The following FTO variants were observed in gnomAD, a reference collection of about 807,000 sequenced individuals.
FTO encodes the protein alpha-ketoglutarate-dependent dioxygenase FTO.
In FTO, 47 loss-of-function variants were observed where a neutral mutation model predicts 63.9. The observed-to-expected ratio is 0.74, with a 90% CI of 0.58 to 0.94. FTO has a LOEUF of 0.94. Among genes scored for constraint, FTO ranks in the 40% least tolerant of loss-of-function variants. The pLI, the probability that FTO is intolerant of heterozygous loss-of-function variation, is 0.00. For synonymous variants in FTO, 207 were observed against 224.4 expected (o/e 0.92, Z 0.69); for missense variants, 562 against 618.1 (o/e 0.91, Z 0.96).
chr16:53,820,680 C>T lies in FTO; in HGVS notation c.124-5184C>T, dbSNP rs191253293. On this transcript the variant is annotated intron_variant, in intron 2 of 8. Transcript: ENST00000471389. ...AGTGTAATATTCCCCTTCCTGTGTCCATGTGATCTCATTGTTCAATTCCCA... is the reference window on the plus strand; with the variant it reads ...AGTGTAATATTCCCCTTCCTGTGTCTATGTGATCTCATTGTTCAATTCCCA... Among the ~76,000 whole-genome samples, 6 of 150,896 alleles carry T rather than the reference C, an allele frequency of 4.0e-5. No individual in the cohort carries two copies. The East Asian group carries it at 9.7e-4, about 24-fold the overall frequency.
chr16:53,885,421 A>G (rs2080972954), intron 6 of FTO, among the ~76,000 whole-genome samples: 1 of 151,974 alleles, frequency 6.6e-6, no homozygotes, highest in Non-Finnish European at 1.5e-5. Flanking sequence ...CTTGATGTCC[A>G]GAGATTGTAT....
intron 1 of FTO, among the ~76,000 whole-genome samples, chr16:53,754,846 T>C (rs2076881729): frequency 6.6e-6 from 1 of 152,262 alleles, no homozygotes; most frequent in Non-Finnish European, 1.5e-5. Flanking sequence ...TTATTTCTGA[T>C]AGTCTTTACA....
chr16:54,009,072 C>A (rs2084280089), intron 8 of FTO, among the ~76,000 whole-genome samples: 1 of 151,838 alleles, frequency 6.6e-6, no homozygotes, highest in African/African-American at 2.4e-5. Flanking sequence ...TGGTAACTAA[C>A]AATGGGATTG....
chr16:53,968,899 C>G (rs1018292122), intron 8 of FTO, among the ~76,000 whole-genome samples: 1 of 152,170 alleles, frequency 6.6e-6, no homozygotes, highest in Non-Finnish European at 1.5e-5. Context: ...TTAGTCAGTA[C>G]AGCACATTCA....
chr16:53,726,831 G>A (rs1375695885), intron 1 of FTO, among the ~76,000 whole-genome samples: 1 of 152,198 alleles, frequency 6.6e-6, no homozygotes, highest in Non-Finnish European at 1.5e-5. Context: ...AGCAGTTGGA[G>A]CAGGTTGGAG....
At chr16:54,056,701 C>T (rs2085442599) in intron 8 of FTO, among the ~76,000 whole-genome samples, 1 of 152,168 alleles carries the variant, frequency 6.6e-6, no homozygotes. Flanking sequence ...AGCTTATCTC[C>T]CAGACCAAAT....
At chr16:54,084,041 G>A (rs1364975200) in intron 8 of FTO, among the ~76,000 whole-genome samples, 3 of 152,168 alleles carry the variant, frequency 2.0e-5, no homozygotes, top group African/African-American at 7.2e-5. Context: ...GAGCATTTCA[G>A]ATTTTGGATT....
chr16:53,737,346 T>C (rs1325031460), intron 1 of FTO, among the ~76,000 whole-genome samples: 2 of 152,214 alleles, frequency 1.3e-5, no homozygotes, highest in African/African-American at 4.8e-5. Flanking sequence ...AGTTTCATCA[T>C]GTGAACGTCA....
intron 1 of FTO, among the ~76,000 whole-genome samples, chr16:53,778,118 C>T (rs2077504866): frequency 6.6e-6 from 1 of 152,140 alleles, no homozygotes; most frequent in Admixed American, 6.5e-5. Context: ...TTAAGTGAAA[C>T]TAACTTCCTT....
chr16:53,775,673 T>TC (rs1245032644), intron 1 of FTO, among the ~76,000 whole-genome samples: 1 of 152,086 alleles, frequency 6.6e-6, no homozygotes, highest in East Asian at 1.9e-4. Flanking sequence ...TCTTTCATTT[T>TC]CCCCCTGCTG....
chr16:53,900,061 G>A (rs1471090234), intron 7 of FTO, among the ~76,000 whole-genome samples: 2 of 152,146 alleles, frequency 1.3e-5, no homozygotes, highest in East Asian at 1.9e-4. Flanking sequence ...GTTTGTAGCC[G>A]ATGCTCAGGT....
At chr16:53,928,167 C>T (rs935235210) in intron 7 of FTO, among the ~76,000 whole-genome samples, 2 of 152,056 alleles carry the variant, frequency 1.3e-5, no homozygotes, top group African/African-American at 2.4e-5. Context: ...ATACTTAGTT[C>T]TTTCTGATCT....
Position 53,989,340 on chromosome 16 carries a change from C to T in FTO, c.1364+55231C>T, listed in dbSNP as rs374603685. On this transcript the variant is annotated intron_variant, in intron 8 of 8. Coordinates refer to ENST00000471389, the MANE Select transcript of FTO (RefSeq NM_001080432.3). Reference sequence around the variant, plus strand: ...AACCTTCAACCTGGTCACCAGCAGACGACATAAAGCAGGAAATAAAATGAC... The same window carrying T: ...AACCTTCAACCTGGTCACCAGCAGATGACATAAAGCAGGAAATAAAATGAC... Among the ~76,000 whole-genome samples, 217 of 152,074 alleles carry T rather than the reference C, an allele frequency of 1.4e-3. 7 individuals carry two copies. In the South Asian group the frequency reaches 0.042, roughly 29 times the overall value.
intron 6 of FTO, among the ~76,000 whole-genome samples, chr16:53,880,765 T>A (rs2080801088): frequency 6.6e-6 from 1 of 151,936 alleles, no homozygotes; most frequent in South Asian, 2.1e-4. Flanking sequence ...AAGCCCCACC[T>A]CTTAATGCCA....
chr16:54,059,017 A>G (rs2085508018), intron 8 of FTO, among the ~76,000 whole-genome samples: 1 of 152,220 alleles, frequency 6.6e-6, no homozygotes, highest in Non-Finnish European at 1.5e-5. Context: ...AGATAAACTA[A>G]TATTTTGTAT....
intron 8 of FTO, among the ~76,000 whole-genome samples, chr16:54,013,093 A>G (rs1395500761): frequency 1.3e-5 from 2 of 152,218 alleles, no homozygotes; most frequent in East Asian, 3.8e-4. Flanking sequence ...AGGATTCACC[A>G]TTCTAGACAC....
intron 1 of FTO, among the ~76,000 whole-genome samples, chr16:53,794,390 G>A (rs1373209733): frequency 3.3e-5 from 5 of 152,182 alleles, no homozygotes; most frequent in African/African-American, 9.7e-5. Flanking sequence ...AGACCCGAAA[G>A]CTAACTAAAC....
chr16:53,998,778 A>AGG (rs1363290017), intron 8 of FTO: 4 of 152,196 alleles, frequency 2.6e-5, no homozygotes, highest in Non-Finnish European at 4.4e-5. Context: ...TCCTATGAAG[A>AGG]GGAAACACCT....
intron 7 of FTO, among the ~76,000 whole-genome samples, chr16:53,909,995 A>G (rs1230983130): frequency 6.6e-6 from 1 of 152,092 alleles, no homozygotes; most frequent in East Asian, 1.9e-4. Context: ...CTCCTGCCTC[A>G]GCCTCCCAAA....
Sources: allele counts gnomAD v4.1 joint callset (sites outside exome capture counted in the v4.1 genomes callset), GRCh38; gene constraint gnomAD v4.1.1; transcripts MANE v1.5; gene names NCBI Gene and HGNC (gene_info 2026-07-23, HGNC 2026-07-21).